POLR1E: variants seen among roughly 807,000 people sequenced by gnomAD.
POLR1E encodes the protein RNA polymerase I subunit E.
POLR1E carries 37 observed loss-of-function variants against 50.9 expected under a neutral mutation model. The observed-to-expected ratio is 0.73, with a 90% CI of 0.56 to 0.96. The LOEUF (loss-of-function observed/expected upper bound fraction) is 0.96. Among genes scored for constraint, POLR1E ranks in the 40% least tolerant of loss-of-function variants. The pLI is 0.00. For synonymous variants in POLR1E, 166 were observed against 191.6 expected (o/e 0.87, Z 1.10); for missense variants, 426 against 518.1 (o/e 0.82, Z 1.73).
At chr9:37,496,681 G>C (rs539401462) in intron 8 of POLR1E, among the ~76,000 whole-genome samples, 14 of 133,572 alleles carry the variant, frequency 1.0e-4, no homozygotes, top group Non-Finnish European at 1.5e-4. Context: ...CTCATTACTA[G>C]TTCATAGTTG....
Position 37,503,268 on chromosome 9 carries a change from A to G in POLR1E, c.*66A>G. The G allele has an allele frequency of 6.7e-7, 1 of 1,496,944 alleles. No individual in the cohort carries two copies. Among genetic ancestry groups the G allele is most frequent in the Non-Finnish European group, 8.9e-7 (1 of 1,120,904 alleles). The allele number at this position is 1,496,944 out of a possible 1,614,324, so 92.7% of individuals were successfully genotyped here. A position where few individuals can be genotyped will look rare whatever the true frequency, so the allele number is the denominator to read the frequency against. ...CCACTGGCTGGTCCTATTCATTTCCATTTTTATGTATGTTTTGAAAAGAAA... is the reference window on the plus strand; with the variant it reads ...CCACTGGCTGGTCCTATTCATTTCCGTTTTTATGTATGTTTTGAAAAGAAA... On this transcript the variant is annotated 3_prime_UTR_variant, in exon 12 of 12. Transcript: ENST00000377798.
rs372271651 is a variant in POLR1E at position 37,503,173 on chromosome 9, C to T, written c.1231C>T (p.Arg411Cys). The T allele has an allele frequency of 8.5e-5, 137 of 1,611,456 alleles. 2 individuals carry two copies. In the Middle Eastern group the frequency reaches 1.5e-3, roughly 17 times the overall value. Residue 411 changes from arginine to cysteine, a missense_variant, in exon 12 of 12, where the codon CGC becomes TGC. Transcript: ENST00000377798. Reference sequence around the variant, plus strand: ...GCTGCCTCCAGCCCAGACCTCAGACCGCCTGGCAAAGCGGAGGAAGATTAC... The same window carrying T: ...GCTGCCTCCAGCCCAGACCTCAGACTGCCTGGCAAAGCGGAGGAAGATTAC... The part of the protein sequence containing the change: ...LPLPPAQTSD[R>C]LAKRRKIT
intron 4 of POLR1E, chr9:37,490,722 G>A (rs1820668884): frequency 1.5e-6 from 1 of 675,188 alleles, no homozygotes; most frequent in Non-Finnish European, 2.8e-6. Context: ...GTTTAGCCAT[G>A]GTAACACTTG....
chr9:37,495,243 G>A lies in POLR1E; in HGVS notation c.622G>A (p.Ala208Thr). 2 of 1,614,066 alleles carry A rather than the reference G, an allele frequency of 1.2e-6. No individual in the cohort carries two copies. The highest frequency in any genetic ancestry group is 1.7e-6 in the Non-Finnish European group (2 of 1,179,954). ...CCTTCCTCCCTGCTATGATGATGCA[G>A]CCAAGCCTGAAGACGTGTATAAATT... ...LYLPPCYDDA[A>T]KPEDVYKFED... is the part of the protein sequence containing the mutation. Residue 208 changes from alanine (A) to threonine (T), a missense_variant, in exon 7 of 12, where the codon GCC (alanine) becomes ACC (threonine). Transcript: ENST00000377798.
intron 7 of POLR1E, 121 bp downstream of exon 7, chr9:37,495,397 C>T: frequency 1.2e-6 from 1 of 836,850 alleles, no homozygotes; most frequent in Non-Finnish European, 2.0e-6. Flanking sequence ...TCCATCCAAA[C>T]CTTTGCAGTT....
At chr9:37,490,634 A>G (rs1248114624) in intron 4 of POLR1E, 3 of 725,334 alleles carry the variant, frequency 4.1e-6, no homozygotes, top group Non-Finnish European at 7.4e-6. Flanking sequence ...CAATACGCAC[A>G]CTAATTCTCT....
intron 10 of POLR1E, 103 bp from the exon 11 acceptor site, chr9:37,501,610 A>G: frequency 1.4e-6 from 2 of 1,389,996 alleles, no homozygotes; most frequent in Non-Finnish European, 2.0e-6. Flanking sequence ...TTGGGAAGAC[A>G]TTCCGTGCAT....
intron 4 of POLR1E, 22 bp downstream of exon 4, chr9:37,489,422 T>C (rs763110702): frequency 6.5e-7 from 1 of 1,543,564 alleles, no homozygotes; most frequent in East Asian, 2.3e-5. Flanking sequence ...TCATGAAAGC[T>C]GACAGAAATA....
At chr9:37,494,953 ACCT>A (rs751259097) in intron 6 of POLR1E, among the ~76,000 whole-genome samples, 26 of 152,248 alleles carry the variant, frequency 1.7e-4, no homozygotes, top group Non-Finnish European at 3.4e-4. Flanking sequence ...GAATCTTGTC[ACCT>A]CCACCTTCTC....
intron 9 of POLR1E, among the ~76,000 whole-genome samples, chr9:37,498,785 G>A (rs1325903896): frequency 6.6e-6 from 1 of 152,190 alleles, no homozygotes; most frequent in Non-Finnish European, 1.5e-5. Flanking sequence ...GATGTCTGTG[G>A]TTTTAGGCAC....
intron 9 of POLR1E, 44 bp downstream of exon 9, chr9:37,498,268 T>C: frequency 1.3e-6 from 2 of 1,571,822 alleles, no homozygotes; most frequent in Non-Finnish European, 1.7e-6. Flanking sequence ...TTCCAGTATA[T>C]TATTTGTCTG....
chr9:37,501,231 C>T (rs1007255582), intron 10 of POLR1E, among the ~76,000 whole-genome samples: 6 of 152,228 alleles, frequency 3.9e-5, no homozygotes, highest in Admixed American at 1.3e-4. Flanking sequence ...TGGTGTTCTG[C>T]GGAAAGGCAG....
chr9:37,493,699 G>A lies in POLR1E; in HGVS notation c.543G>A (p.Val181=). The stretch of plus-strand genomic sequence containing the variant: ...AGACTATCATTGATACGAAGGGTGT[G>A]ACTGGTAAGAAGTTGGAACTTGGGC... ...AAETIIDTKG[V]TALVSDAIHN... The change falls in exon 6 of 12, where the codon GTG becomes GTA. Residue 181 remains valine (V), a synonymous_variant. Coordinates refer to ENST00000377798, the MANE Select transcript of POLR1E (RefSeq NM_022490.4). 2 of 1,539,272 alleles carry A rather than the reference G, an allele frequency of 1.3e-6. No homozygotes were observed. The highest frequency in any genetic ancestry group is 1.8e-6 in the Non-Finnish European group (2 of 1,137,590).
Position 37,503,373 on chromosome 9 carries a change from T to C in POLR1E, c.*171T>C. 4.0e-6 allele frequency: 3 copies of C among 745,644 alleles called. No homozygotes were observed. The highest frequency in any genetic ancestry group is 6.0e-6 in the Non-Finnish European group (3 of 496,504). 46.2% of individuals were successfully genotyped at this position (745,644 alleles called of 1,614,324 possible). ...CAGGAAGATCATTGAGCTCAGGAGT[T>C]TGAAACCAGTCTGGACAACATAGGG... On this transcript the variant is annotated 3_prime_UTR_variant, in exon 12 of 12. Transcript: ENST00000377798.
intron 2 of POLR1E, 128 bp downstream of exon 2, chr9:37,486,934 G>A (rs1243503254): frequency 3.6e-6 from 4 of 1,101,902 alleles, no homozygotes; most frequent in Non-Finnish European, 3.8e-6. Flanking sequence ...GAAGAACTCT[G>A]ATGCCCAGCA....
chr9:37,488,829 A>T (rs10814544), intron 3 of POLR1E, among the ~76,000 whole-genome samples: 32,645 of 149,936 alleles, frequency 0.22, 3,693 homozygotes, highest in East Asian at 0.26. Flanking sequence ...ATCCTTTCCT[A>T]TTCCCTCTCT....
At chr9:37,498,306 A>G (rs1199218718) in intron 9 of POLR1E, 82 bp downstream of exon 9, 8 of 1,396,018 alleles carry the variant, frequency 5.7e-6, no homozygotes, top group Non-Finnish European at 5.9e-6. Context: ...CTGATGAGAG[A>G]AGAAAATGGA....
intron 4 of POLR1E, chr9:37,492,428 G>T: frequency 1.0e-6 from 1 of 975,116 alleles, no homozygotes; most frequent in South Asian, 1.4e-5. Context: ...AAATGAAGAG[G>T]TTGGGCTGGA....
At chr9:37,493,818 A>G (rs1434669930) in intron 6 of POLR1E, 115 bp downstream of exon 6, 60 of 1,170,260 alleles carry the variant, frequency 5.1e-5, no homozygotes, top group Non-Finnish European at 6.4e-5. Flanking sequence ...GATTCCTTTC[A>G]GCCTCTTGCT....
Sources: allele counts gnomAD v4.1 joint callset (sites outside exome capture counted in the v4.1 genomes callset), GRCh38; gene constraint gnomAD v4.1.1; transcripts MANE v1.5; gene names NCBI Gene and HGNC (gene_info 2026-07-23, HGNC 2026-07-21).